Variants in ZSCAN20 observed in about 807,000 individuals in gnomAD.
ZSCAN20 encodes zinc finger and SCAN domain containing 20.
In ZSCAN20, 39 loss-of-function variants were observed where a neutral mutation model predicts 97.1. The observed-to-expected ratio is 0.40, with a 90% CI of 0.31 to 0.52. ZSCAN20 has a LOEUF of 0.52. Among genes scored for constraint, ZSCAN20 ranks in the 20% least tolerant of loss-of-function variants. The pLI is 0.49. For synonymous variants in ZSCAN20, 456 were observed against 467.3 expected (o/e 0.98, Z 0.31); for missense variants, 1,115 against 1,290.4 (o/e 0.86, Z 2.08).
chr1:33,496,088 C>T lies in ZSCAN20; in HGVS notation c.*612C>T, dbSNP rs1370565689. The T allele has an allele frequency of 1.3e-5, 2 of 152,238 alleles. No homozygotes were observed. Among genetic ancestry groups the T allele is most frequent in the South Asian group, 4.1e-4 (2 of 4,836 alleles). 9.4% of individuals were successfully genotyped at this position (152,238 alleles called of 1,614,324 possible). A position where few individuals can be genotyped will look rare whatever the true frequency, so the allele number is the denominator to read the frequency against. On this transcript the variant is annotated 3_prime_UTR_variant, in exon 8 of 8. Transcript: ENST00000684572. The stretch of plus-strand genomic sequence containing the variant: ...TGTATACATCATCTCATTTAATCTT[C>T]ACAACGGCCCCAGGAGATAAGTACT...
At chr1:33,489,746 C>T (rs1652522842) in intron 5 of ZSCAN20, 144 bp downstream of exon 5, 2 of 756,430 alleles carry the variant, frequency 2.6e-6, no homozygotes, top group African/African-American at 3.5e-5. Context: ...CCCTTTGTAG[C>T]CAGCACTCTC....
rs781692096 is a variant in ZSCAN20 at position 33,494,641 on chromosome 1, A to G, written c.2297A>G (p.Tyr766Cys). ...AGAATCCACACTGGAGAGAAGCCCTATAAATGCCTTGAATGTGGGAAAAGC... is the reference window on the plus strand; with the variant it reads ...AGAATCCACACTGGAGAGAAGCCCTGTAAATGCCTTGAATGTGGGAAAAGC... ...HQRIHTGEKPYKCLECGKSFS... is the reference protein window; with the variant it reads ...HQRIHTGEKPCKCLECGKSFS... Residue 766 changes from tyrosine (Y) to cysteine (C), a missense_variant, in exon 8 of 8, where the codon TAT (tyrosine) becomes TGT (cysteine). Around this residue, in one of 3 missense-constraint regions of ZSCAN20, gnomAD observed 554 missense variants for 584.9 expected, o/e 0.95. Coordinates refer to ENST00000684572, the MANE Select transcript of ZSCAN20 (RefSeq NM_001377376.1). 5.0e-6 allele frequency: 8 copies of G among 1,614,238 alleles called. No individual in the cohort carries two copies. In the South Asian group the frequency reaches 6.6e-5, roughly 13 times the overall value.
chr1:33,491,574 A>C lies in ZSCAN20; in HGVS notation c.1316A>C (p.Glu439Ala). The C allele has an allele frequency of 6.2e-7, 1 of 1,614,150 alleles. No homozygotes were observed. The highest frequency in any genetic ancestry group is 8.5e-7 in the Non-Finnish European group (1 of 1,180,004). ...GGGTATAGTGACGCAGAGATGGATGAGCAGGAGGAAGGGGGCTGGGATCCT... is the reference window on the plus strand; with the variant it reads ...GGGTATAGTGACGCAGAGATGGATGCGCAGGAGGAAGGGGGCTGGGATCCT... ...RLGYSDAEMD[E>A]QEEGGWDPEE... Residue 439 changes from glutamate (E) to alanine (A), a missense_variant, in exon 6 of 8, where the codon GAG becomes GCG. By Grantham distance (107) the Glu-to-Ala change is moderately radical. This residue lies in a region of ZSCAN20 where 508 missense variants were observed against 611.2 expected (regional missense o/e 0.83). Transcript: ENST00000684572. This position sits in a 1 kb window ranked among gnomAD's most constrained non-coding sequence, Gnocchi z 4.3.
rs1238360503 is a variant in ZSCAN20, at chr1:33,493,727, G to A, written c.1873+112G>A. The A allele has an allele frequency of 1.2e-5, 14 of 1,200,892 alleles. No homozygotes were observed. The South Asian group carries it at 1.8e-4, about 15-fold the overall frequency. The allele number at this position is 1,200,892 out of a possible 1,614,324, so 74.4% of individuals were successfully genotyped here. On this transcript the variant is annotated intron_variant, in intron 7 of 7. Transcript: ENST00000684572. This position sits in a 1 kb window ranked among gnomAD's most constrained non-coding sequence, Gnocchi z 4.3. ...ACTAAAAGAGAGAATGGGATTGAAT[G>A]GGAAAAAGTATTTCTGCTTTGCTCA...
intron 2 of ZSCAN20, 94 bp downstream of exon 2, chr1:33,479,799 A>G: frequency 7.7e-7 from 1 of 1,297,780 alleles, no homozygotes; most frequent in South Asian, 1.7e-5. Context: ...CAATAAAAAT[A>G]ACAATAGTTA....
At chr1:33,482,365 C>T (rs924543731) in intron 2 of ZSCAN20, among the ~76,000 whole-genome samples, 5 of 152,136 alleles carry the variant, frequency 3.3e-5, no homozygotes, top group African/African-American at 1.2e-4. Flanking sequence ...TAGTAGTATA[C>T]ATTTAAGTTT....
chr1:33,487,973 T>G (rs964220899), intron 2 of ZSCAN20, among the ~76,000 whole-genome samples: 2 of 152,172 alleles, frequency 1.3e-5, no homozygotes, highest in Admixed American at 6.5e-5. Context: ...TTCTTTGTCC[T>G]TTTTAAAAAT....
intron 2 of ZSCAN20, among the ~76,000 whole-genome samples, chr1:33,483,181 T>C (rs367989015): frequency 1.1e-4 from 16 of 152,304 alleles, no homozygotes; most frequent in Middle Eastern, 3.4e-3. Context: ...TTAGGAATTT[T>C]ATAGTTTTTC....
chr1:33,493,672 G>C lies in ZSCAN20; in HGVS notation c.1873+57G>C. ...TCTGTGGGCATGTGGAGAGAATGAG[G>C]AAGCCAGGCTCATTATCTTTTGTCT... is the stretch of plus-strand genomic sequence containing the variant. On this transcript the variant is annotated intron_variant, in intron 7 of 7. Transcript: ENST00000684572. This position sits in a 1 kb window ranked among gnomAD's most constrained non-coding sequence, Gnocchi z 4.3. 2.7e-6 allele frequency: 4 copies of C among 1,476,746 alleles called. No homozygotes were observed. Among genetic ancestry groups the C allele is most frequent in the Non-Finnish European group, 3.6e-6 (4 of 1,106,866 alleles). 91.5% of individuals were successfully genotyped at this position (1,476,746 alleles called of 1,614,324 possible). A position where few individuals can be genotyped will look rare whatever the true frequency, so the allele number is the denominator to read the frequency against.
In ZSCAN20 at chr1:33,494,497, G is replaced by A. The variant is rs1341983150; in HGVS notation, c.2153G>A (p.Ser718Asn). ...TACAAGTGTGACACATGCATGAAGA[G>A]CTTCAGTCGGAGCTCCCACTTCATT... Reference protein sequence around the residue: ...KPYKCDTCMKSFSRSSHFIAH... With the variant: ...KPYKCDTCMKNFSRSSHFIAH... Residue 718 changes from serine to asparagine, a missense_variant, in exon 8 of 8, where the codon AGC becomes AAC. Physicochemically the swap from Ser to Asn is conservative, Grantham distance 46 (BLOSUM62 1). Around this residue, in one of 3 missense-constraint regions of ZSCAN20, gnomAD observed 554 missense variants for 584.9 expected, o/e 0.95. Transcript: ENST00000684572. 1.2e-6 allele frequency: 2 copies of A among 1,614,104 alleles called. No individual in the cohort carries two copies. The highest frequency in any genetic ancestry group is 2.2e-5 in the East Asian group (1 of 44,908).
Position 33,493,699 on chromosome 1 carries a change from T to G in ZSCAN20, c.1873+84T>G. The G allele has an allele frequency of 7.2e-7, 1 of 1,397,290 alleles. No homozygotes were observed. The highest frequency in any genetic ancestry group is 1.4e-5 in the African/African-American group (1 of 69,802). 86.6% of individuals were successfully genotyped at this position (1,397,290 alleles called of 1,614,324 possible). ...AGCCAGGCTCATTATCTTTTGTCTC[T>G]TAACTAAAAGAGAGAATGGGATTGA... On this transcript the variant is annotated intron_variant, in intron 7 of 7. Transcript: ENST00000684572. The surrounding 1 kb of genome is among the most constrained non-coding windows in gnomAD (Gnocchi z 4.3).
chr1:33,495,571 G>T lies in ZSCAN20; in HGVS notation c.*95G>T, dbSNP rs538774283. On this transcript the variant is annotated 3_prime_UTR_variant, in exon 8 of 8. Coordinates refer to ENST00000684572, the MANE Select transcript of ZSCAN20 (RefSeq NM_001377376.1). Reference sequence around the variant, plus strand: ...ATAAACTTTCCAATTTTTAAGCTTGGTGTGTACCCAGGGAAGTTATCTTGG... The same window carrying T: ...ATAAACTTTCCAATTTTTAAGCTTGTTGTGTACCCAGGGAAGTTATCTTGG... 2 of 1,195,446 alleles carry T rather than the reference G, an allele frequency of 1.7e-6. No individual in the cohort carries two copies. Among genetic ancestry groups the T allele is most frequent in the Admixed American group, 3.3e-5 (1 of 29,972 alleles). 74.1% of individuals were successfully genotyped at this position (1,195,446 alleles called of 1,614,324 possible).
chr1:33,485,809 A>G (rs1652344120), intron 2 of ZSCAN20, among the ~76,000 whole-genome samples: 1 of 152,032 alleles, frequency 6.6e-6, no homozygotes, highest in Admixed American at 6.6e-5. Flanking sequence ...TTGATTTCCC[A>G]TTTTAAATTT....
chr1:33,489,644 T>C lies in ZSCAN20; in HGVS notation c.766+42T>C, dbSNP rs776873149. Reference sequence around the variant, plus strand: ...TCTGAAGGTGATGTTGTCATGCTTCTGATACACCCAGTTCCCAAAGAGGGT... The same window carrying C: ...TCTGAAGGTGATGTTGTCATGCTTCCGATACACCCAGTTCCCAAAGAGGGT... On this transcript the variant is annotated intron_variant, in intron 5 of 7. Coordinates refer to ENST00000684572, the MANE Select transcript of ZSCAN20 (RefSeq NM_001377376.1). 6.4e-6 allele frequency: 10 copies of C among 1,569,110 alleles called. No individual in the cohort carries two copies. In the East Asian group the frequency reaches 2.2e-4, roughly 35 times the overall value.
In ZSCAN20 at chr1:33,498,473, G is replaced by A. The variant is rs1222092945; in HGVS notation, c.*2997G>A. ...TTTGGAAGAAGCACTCTTTCAGGGG[G>A]CTTCAGTGTTCCAGGCTTGCTGTCT... On this transcript the variant is annotated 3_prime_UTR_variant, in exon 8 of 8. Transcript: ENST00000684572. Among the ~76,000 whole-genome samples the A allele has an allele frequency of 6.6e-6, 1 of 152,174 alleles. No homozygotes were observed. The highest frequency in any genetic ancestry group is 1.5e-5 in the Non-Finnish European group (1 of 68,030).
In ZSCAN20 at chr1:33,491,665, G is replaced by T. The variant is rs1652621418; in HGVS notation, c.1407G>T (p.Arg469Ser). The T allele has an allele frequency of 6.2e-7, 1 of 1,610,334 alleles. No homozygotes were observed. The highest frequency in any genetic ancestry group is 1.1e-5 in the South Asian group (1 of 90,560). ...LVNVESTQGP[R>S]IAGAPALFQS... is the part of the protein sequence containing the mutation. ...ATGTTGAGTCTACCCAGGGGCCCAG[G>T]ATTGCAGGGGCCCCAGCTCTGTTCC... The change falls in exon 6 of 8, where the codon AGG becomes AGT. Residue 469 changes from arginine to serine, a missense_variant. By Grantham distance (110) the Arg-to-Ser change is moderately radical. This residue lies in a region of ZSCAN20 where 508 missense variants were observed against 611.2 expected (regional missense o/e 0.83). Transcript: ENST00000684572. The surrounding 1 kb of genome is among the most constrained non-coding windows in gnomAD (Gnocchi z 4.3).
rs368886683 is a variant in ZSCAN20, at chr1:33,479,615, C to G, written c.327C>G (p.Thr109=). Residue 109 remains threonine (T), a synonymous_variant, in exon 2 of 8, where the codon ACC becomes ACG. Coordinates refer to ENST00000684572, the MANE Select transcript of ZSCAN20 (RefSeq NM_001377376.1). ...FLTILPREVQ[T]WVQARHPESG... ...CTATCTTGCCTAGGGAGGTCCAGAC[C>G]TGGGTGCAGGCACGCCACCCTGAGA... 1.2e-6 allele frequency: 2 copies of G among 1,613,082 alleles called. No individual in the cohort carries two copies. The highest frequency in any genetic ancestry group is 1.7e-6 in the Non-Finnish European group (2 of 1,179,544).
At chr1:33,485,912 T>C (rs1186578992) in intron 2 of ZSCAN20, among the ~76,000 whole-genome samples, 2 of 152,228 alleles carry the variant, frequency 1.3e-5, no homozygotes, top group African/African-American at 2.4e-5. Context: ...TTGGTGTACC[T>C]GTGTCCCTGG....
At chr1:33,476,639 A>G (rs1306351804) in intron 1 of ZSCAN20, among the ~76,000 whole-genome samples, 1 of 152,242 alleles carries the variant, frequency 6.6e-6, no homozygotes, top group African/African-American at 2.4e-5. Context: ...GGTACTCTAT[A>G]AATGATTGAT....
Sources: allele counts gnomAD v4.1 joint callset (sites outside exome capture counted in the v4.1 genomes callset), GRCh38; gene constraint gnomAD v4.1.1; regional missense constraint gnomAD v4.1.1; non-coding constraint Gnocchi (gnomAD v3.1); transcripts MANE v1.5; gene names NCBI Gene and HGNC (gene_info 2026-07-23, HGNC 2026-07-21).